Variants in HJURP observed in about 807,000 individuals in gnomAD.
HJURP encodes the protein Holliday junction recognition protein, also known as 14-3-3-associated AKT substrate.
A neutral mutation model predicts 72.0 loss-of-function variants in HJURP; 49 were observed. The ratio of observed to expected loss-of-function variants is 0.68; its 90% CI spans 0.54 to 0.86. HJURP has a LOEUF of 0.86. Among genes scored for constraint, HJURP ranks in the 40% least tolerant of loss-of-function variants. The pLI, the probability that HJURP is intolerant of heterozygous loss-of-function variation, is 0.00. For missense variants in HJURP, 908 were observed against 936.3 expected, an observed-to-expected ratio of 0.97 and a Z score of 0.39; for synonymous variants, 357 against 347.1, an observed-to-expected ratio of 1.03 and a Z score of -0.32.
chr2:233,849,947 C>T (rs1705460927), intron 3 of HJURP, 88 bp from the exon 4 acceptor site: 15 of 778,512 alleles, frequency 1.9e-5, no homozygotes, highest in Non-Finnish European at 3.3e-5. Flanking sequence ...TGCAATCCTT[C>T]TGTTAACACA....
At chr2:233,854,312 C>G in intron 1 of HJURP, 72 bp downstream of exon 1, 3 of 1,071,934 alleles carry the variant, frequency 2.8e-6, no homozygotes, top group Admixed American at 4.2e-5. Flanking sequence ...CTTCCCTTCC[C>G]GTCCTACGTC....
In HJURP at chr2:233,837,434, T is replaced by C. The variant is rs138622122; in HGVS notation, c.*143A>G. On this transcript the variant is annotated 3_prime_UTR_variant, in exon 9 of 9. Coordinates refer to ENST00000411486, the MANE Select transcript of HJURP (RefSeq NM_018410.5). ...TTTCTACACCAAGAACTCGAGGTTA[T>C]CTCTGATGGAACCAATTTCACTAAT... 7.7e-6 allele frequency: 5 copies of C among 648,120 alleles called. No homozygotes were observed. The Admixed American group carries it at 1.2e-4, about 16-fold the overall frequency. 40.1% of individuals were successfully genotyped at this position (648,120 alleles called of 1,614,324 possible).
At chr2:233,844,950 C>T (rs1378186600) in intron 6 of HJURP, among the ~76,000 whole-genome samples, 1 of 151,638 alleles carries the variant, frequency 6.6e-6, no homozygotes. Context: ...GTGTGCCCAC[C>T]TCTCATGCCA....
chr2:233,853,996 G>GT lies in HJURP; in HGVS notation c.118-87_118-86insA, dbSNP rs552086180. ...GAGGAGGCGGCGCCAGCCCGTGAGA[G>GT]GCCGTTAGTCTGGCCTGGGGCGCCC... On this transcript the variant is annotated intron_variant, in intron 1 of 8. Coordinates refer to ENST00000411486, the MANE Select transcript of HJURP (RefSeq NM_018410.5). 20 of 1,250,778 alleles carry GT rather than the reference G, an allele frequency of 1.6e-5. No homozygotes were observed. In the African/African-American group the frequency reaches 2.7e-4, roughly 17 times the overall value. 77.5% of individuals were successfully genotyped at this position (1,250,778 alleles called of 1,614,324 possible).
chr2:233,844,394 C>T (rs763250818), intron 6 of HJURP, 111 bp from the exon 7 acceptor site: 10 of 786,660 alleles, frequency 1.3e-5, no homozygotes, highest in Admixed American at 1.9e-5. Context: ...ACAGCCATGT[C>T]GACAAGCGTG....
chr2:233,850,001 T>G (rs796780658), intron 3 of HJURP, 142 bp from the exon 4 acceptor site: 5 of 625,002 alleles, frequency 8.0e-6, no homozygotes, highest in Middle Eastern at 2.6e-4. Flanking sequence ...TCTCCCTGCA[T>G]GTCCACTTTA....
At chr2:233,851,621 A>C (rs1705498427) in intron 3 of HJURP, among the ~76,000 whole-genome samples, 1 of 152,154 alleles carries the variant, frequency 6.6e-6, no homozygotes. Flanking sequence ...GTTGATGAAG[A>C]GAAGAGTTTG....
chr2:233,840,415 G>T (rs1559495205), intron 8 of HJURP, among the ~76,000 whole-genome samples, 194 bp downstream of exon 8: 3 of 152,176 alleles, frequency 2.0e-5, no homozygotes, highest in African/African-American at 7.2e-5. Context: ...TCTTACACAG[G>T]GACACATTCT....
intron 2 of HJURP, among the ~76,000 whole-genome samples, chr2:233,853,446 G>C (rs1475390171): frequency 1.3e-5 from 2 of 152,232 alleles, no homozygotes; most frequent in African/African-American, 4.8e-5. Flanking sequence ...TATTCACAGT[G>C]CGGGGCGGGG....
chr2:233,854,267 G>A (rs1334149296), intron 1 of HJURP, 117 bp downstream of exon 1: 2 of 682,170 alleles, frequency 2.9e-6, no homozygotes, highest in South Asian at 1.9e-5. Flanking sequence ...CCCCAGTCCC[G>A]CTTCCCCAAC....
At position 233,852,575 on chromosome 2, in the gene HJURP, C is replaced by T; in HGVS notation, c.230G>A (p.Gly77Glu). The T allele has an allele frequency of 6.2e-7, 1 of 1,601,518 alleles. No individual in the cohort carries two copies. The highest frequency in any genetic ancestry group is 8.6e-7 in the Non-Finnish European group (1 of 1,168,342). ...TTTGACACTAAATACCTGGATCTCTCCTTCGTTTCTTTCCTTTATTAGTCT... is the reference window on the plus strand; with the variant it reads ...TTTGACACTAAATACCTGGATCTCTTCTTCGTTTCTTTCCTTTATTAGTCT... ...GGRLIKERNE[G>E]EIQDSSMKPA... Residue 77 changes from glycine to glutamate, a missense_variant, in exon 3 of 9, where the codon GGA (glycine) becomes GAA (glutamate). Physicochemically the swap from Gly to Glu is moderately conservative, Grantham distance 98. Transcript: ENST00000411486.
intron 7 of HJURP, among the ~76,000 whole-genome samples, chr2:233,843,834 T>G (rs888195945): frequency 1.3e-5 from 2 of 152,202 alleles, no homozygotes; most frequent in African/African-American, 4.8e-5. Context: ...TAGGGATAAA[T>G]GCATACACAA....
Position 233,846,776 on chromosome 2 carries a change from CAG to C in HJURP, c.402+619_402+620del, listed in dbSNP as rs1705372206. ...ATGCATCAGGTATTCTGGCAGGCAA[CAG>C]AGTGTGACACGGGGGCCAGGAAAGA... On this transcript the variant is annotated intron_variant, in intron 5 of 8. Coordinates refer to ENST00000411486, the MANE Select transcript of HJURP (RefSeq NM_018410.5). The surrounding 1 kb of genome is among the most constrained non-coding windows in gnomAD (Gnocchi z 4.3). Among the ~76,000 whole-genome samples, 1 of 152,212 alleles carries C rather than the reference CAG, an allele frequency of 6.6e-6. No homozygotes were observed. The highest frequency in any genetic ancestry group is 1.5e-5 in the Non-Finnish European group (1 of 68,042).
Position 233,845,819 on chromosome 2 carries a change from G to T in HJURP, c.404C>A (p.Pro135His). ...QEESVAWALA[P>H]AVPQSPLKNE... is the part of the protein sequence containing the mutation. Reference sequence around the variant, plus strand: ...TTTCAAAGGGCTTTGAGGCACTGCAGGCTGATCAAAAAAGAGAAGTCAGAA... The same window carrying T: ...TTTCAAAGGGCTTTGAGGCACTGCATGCTGATCAAAAAAGAGAAGTCAGAA... The change falls in exon 6 of 9, where the codon CCT (proline) becomes CAT (histidine). Residue 135 changes from proline (P) to histidine (H), a missense_variant and splice_region_variant. Transcript: ENST00000411486. The T allele has an allele frequency of 6.2e-7, 1 of 1,607,866 alleles. No homozygotes were observed. Among genetic ancestry groups the T allele is most frequent in the South Asian group, 1.1e-5 (1 of 90,444 alleles).
At position 233,845,772 on chromosome 2, in the gene HJURP, A is replaced by C. The variant is rs202159987; in HGVS notation, c.451T>G (p.Leu151Val). ...PLKNELRRKY[L>V]TQVDILLQGA... ...TGTAGCAGTATATCCACTTGGGTCA[A>C]GTATTTCCTTCTTAATTCATTTTTC... is the stretch of plus-strand genomic sequence containing the variant. The change falls in exon 6 of 9, where the codon TTG becomes GTG. Residue 151 changes from leucine to valine, a missense_variant. Coordinates refer to ENST00000411486, the MANE Select transcript of HJURP (RefSeq NM_018410.5). The C allele has an allele frequency of 4.3e-6, 7 of 1,613,552 alleles. No individual in the cohort carries two copies. The East Asian group carries it at 1.6e-4, about 36-fold the overall frequency.
intron 4 of HJURP, among the ~76,000 whole-genome samples, chr2:233,847,758 A>T (rs1446431551): frequency 6.6e-6 from 1 of 152,234 alleles, no homozygotes; most frequent in Non-Finnish European, 1.5e-5. Context: ...ACTGCTCGAC[A>T]GAACTTCCGG....
rs1427710115 is a variant in HJURP, at chr2:233,837,009, T to G, written c.*568A>C. 1 of 152,570 alleles carries G rather than the reference T, an allele frequency of 6.6e-6. No individual in the cohort carries two copies. Among genetic ancestry groups the G allele is most frequent in the African/African-American group, 2.4e-5 (1 of 41,456 alleles). 9.5% of individuals were successfully genotyped at this position (152,570 alleles called of 1,614,324 possible). A position where few individuals can be genotyped will look rare whatever the true frequency, so the allele number is the denominator to read the frequency against. ...CTAAATTTAAAAAAGAACACACGGC[T>G]GGGAGCAGTGGCTCACGCCTATAAT... On this transcript the variant is annotated 3_prime_UTR_variant, in exon 9 of 9. Coordinates refer to ENST00000411486, the MANE Select transcript of HJURP (RefSeq NM_018410.5).
intron 4 of HJURP, among the ~76,000 whole-genome samples, chr2:233,849,118 C>T (rs891801818): frequency 7.2e-5 from 11 of 152,224 alleles, no homozygotes; most frequent in African/African-American, 2.4e-4. Context: ...GAGGAACACA[C>T]GGGGTTGGTG....
chr2:233,849,710 G>A lies in HJURP; in HGVS notation c.337+53C>T, dbSNP rs537872033. 15 of 1,125,050 alleles carry A rather than the reference G, an allele frequency of 1.3e-5. No individual in the cohort carries two copies. In the African/African-American group the frequency reaches 2.0e-4, roughly 15 times the overall value. The allele number at this position is 1,125,050 out of a possible 1,614,324, so 69.7% of individuals were successfully genotyped here. Reference sequence around the variant, plus strand: ...TAGGCTTTAAGCTGTTGTAACAGGTGCGTCAGACCTGGTCCCTCCTGACTT... The same window carrying A: ...TAGGCTTTAAGCTGTTGTAACAGGTACGTCAGACCTGGTCCCTCCTGACTT... On this transcript the variant is annotated intron_variant, in intron 4 of 8. Transcript: ENST00000411486.
Sources: allele counts gnomAD v4.1 joint callset (sites outside exome capture counted in the v4.1 genomes callset), GRCh38; gene constraint gnomAD v4.1.1; non-coding constraint Gnocchi (gnomAD v3.1); transcripts MANE v1.5; gene names NCBI Gene and HGNC (gene_info 2026-07-23, HGNC 2026-07-21).